The following SLMAP variants were observed in gnomAD, a reference collection of about 807,000 sequenced individuals.
SLMAP encodes sarcolemmal membrane-associated protein.
A neutral mutation model predicts 128.8 loss-of-function variants in SLMAP; 44 were observed. That is an observed-to-expected ratio of 0.34 (90% CI 0.27 to 0.44). The LOEUF (loss-of-function observed/expected upper bound fraction) is 0.44. Among genes scored for constraint, SLMAP ranks in the 20% least tolerant of loss-of-function variants. The pLI is 1.00. For missense variants in SLMAP, 787 were observed against 985.3 expected (o/e 0.80, Z 2.69); for synonymous variants, 327 against 348.8 (o/e 0.94, Z 0.70).
At chr3:57,914,213 G>A (rs889801735) in intron 21 of SLMAP, among the ~76,000 whole-genome samples, 5 of 152,054 alleles carry the variant, frequency 3.3e-5, no homozygotes, top group African/African-American at 7.2e-5. Context: ...TATTCCGGCC[G>A]GGTGTGGACA....
At chr3:57,829,255 T>C in intron 2 of SLMAP, among the ~76,000 whole-genome samples, 1 of 152,180 alleles carries the variant, frequency 6.6e-6, no homozygotes, top group East Asian at 1.9e-4. Context: ...TTTTCATGTA[T>C]TCTTTATTTT....
chr3:57,869,630 T>TTATTTA (rs1553900189), intron 13 of SLMAP, among the ~76,000 whole-genome samples: 1 of 75,474 alleles, frequency 1.3e-5, no homozygotes, highest in Non-Finnish European at 2.5e-5. Flanking sequence ...CCCATCTCTA[T>TTATTTA]TATATATATA....
chr3:57,813,342 C>T (rs184104484), intron 2 of SLMAP, among the ~76,000 whole-genome samples: 9 of 152,262 alleles, frequency 5.9e-5, no homozygotes, highest in African/African-American at 1.2e-4. Context: ...GAGATCCTCC[C>T]GCCTTGGCTT....
chr3:57,897,068 C>G (rs1305022835), intron 17 of SLMAP, 136 bp downstream of exon 17: 2 of 1,417,222 alleles, frequency 1.4e-6, no homozygotes, highest in Non-Finnish European at 1.8e-6. Flanking sequence ...GTAGCAGGGA[C>G]TAAAAATTTA....
intron 12 of SLMAP, 93 bp downstream of exon 12, chr3:57,864,950 G>A (rs372761377): frequency 2.0e-6 from 2 of 990,484 alleles, no homozygotes; most frequent in Non-Finnish European, 3.0e-6. Flanking sequence ...TTTAAGGGAT[G>A]TTTTATGTAT....
At chr3:57,830,069 C>T (rs758327668) in intron 2 of SLMAP, among the ~76,000 whole-genome samples, 1 of 152,202 alleles carries the variant, frequency 6.6e-6, no homozygotes, top group Non-Finnish European at 1.5e-5. Flanking sequence ...GAGTCTCGCT[C>T]TGTTGTCCAG....
chr3:57,926,155 A>G (rs1184325153), intron 24 of SLMAP: 1 of 534,524 alleles, frequency 1.9e-6, no homozygotes, highest in African/African-American at 1.9e-5. Flanking sequence ...ACCATGAGTT[A>G]ATTCCAACCT....
intron 2 of SLMAP, among the ~76,000 whole-genome samples, chr3:57,765,982 T>G (rs1041209950): frequency 1.3e-5 from 2 of 151,624 alleles, no homozygotes; most frequent in East Asian, 1.9e-4. Flanking sequence ...CCTTTTAGGC[T>G]TCTGTCTGAT....
intron 2 of SLMAP, among the ~76,000 whole-genome samples, chr3:57,766,669 CTCTTT>C (rs1426202912): frequency 6.6e-6 from 1 of 151,936 alleles, no homozygotes; most frequent in African/African-American, 2.4e-5. Context: ...TTCTAGCTCT[CTCTTT>C]TATTACTGTT....
intron 4 of SLMAP, among the ~76,000 whole-genome samples, chr3:57,844,146 A>G (rs1380988055): frequency 4.6e-5 from 7 of 151,732 alleles, no homozygotes; most frequent in African/African-American, 1.7e-4. Context: ...TAATCCCAGC[A>G]CTTTGGCACT....
chr3:57,846,486 A>G (rs2094255923), intron 4 of SLMAP, among the ~76,000 whole-genome samples: 3 of 151,942 alleles, frequency 2.0e-5, no homozygotes, highest in Non-Finnish European at 4.4e-5. Flanking sequence ...GCTTTTTAAG[A>G]CTTTCTGTAT....
chr3:57,915,579 G>A (rs976480192), intron 21 of SLMAP, among the ~76,000 whole-genome samples: 13 of 152,162 alleles, frequency 8.5e-5, no homozygotes, highest in African/African-American at 2.9e-4. Context: ...TCTGTGAAGT[G>A]TACAATCAAA....
intron 2 of SLMAP, among the ~76,000 whole-genome samples, chr3:57,776,522 C>CTCTCTTTT (rs571722815): frequency 2.4e-4 from 22 of 92,598 alleles, no homozygotes; most frequent in African/African-American, 1.0e-3. Flanking sequence ...CTCTCTCTCT[C>CTCTCTTTT]TTTTTTTTTT....
At chr3:57,802,981 G>A (rs192049174) in intron 2 of SLMAP, among the ~76,000 whole-genome samples, 1 of 152,072 alleles carries the variant, frequency 6.6e-6, no homozygotes, top group Non-Finnish European at 1.5e-5. Context: ...TAATTAAATG[G>A]TGTAAGAGAG....
rs2077860725 is a variant in SLMAP, at chr3:57,757,857, C to A, written c.198+8C>A. 8 of 1,613,372 alleles carry A rather than the reference C, an allele frequency of 5.0e-6. No individual in the cohort carries two copies. The East Asian group carries it at 1.3e-4, about 27-fold the overall frequency. On this transcript the variant is annotated splice_region_variant and intron_variant, in intron 2 of 24. Transcript: ENST00000671191. Reference sequence around the variant, plus strand: ...GATCACAAGACGGGCAAGGTAATGTCACCACATTGTCCAGCGGCATTGTTT... The same window carrying A: ...GATCACAAGACGGGCAAGGTAATGTAACCACATTGTCCAGCGGCATTGTTT...
At chr3:57,780,562 T>TGTTCATCTGGTGAACACTAC (rs2082831352) in intron 2 of SLMAP, among the ~76,000 whole-genome samples, 1 of 152,190 alleles carries the variant, frequency 6.6e-6, no homozygotes, top group Admixed American at 6.5e-5. Flanking sequence ...TGGGTGGTAG[T>TGTTCATCTGGTGAACACTAC]TACAAGGGTG....
At chr3:57,912,307 G>T in intron 19 of SLMAP, 74 bp from the exon 20 acceptor site, 1 of 1,265,136 alleles carries the variant, frequency 7.9e-7, no homozygotes, top group Non-Finnish European at 1.1e-6. Flanking sequence ...CCCAGGTTAT[G>T]CATTAGCTAC....
chr3:57,814,297 C>A (rs1010310299), intron 2 of SLMAP, among the ~76,000 whole-genome samples: 1 of 151,926 alleles, frequency 6.6e-6, no homozygotes, highest in African/African-American at 2.4e-5. Flanking sequence ...TCAAGCGGTC[C>A]TCATGCCTCA....
In SLMAP at chr3:57,757,554, T is replaced by G; in HGVS notation, c.-98T>G. On this transcript the variant is annotated 5_prime_UTR_variant, in exon 2 of 25. It adds an upstream start codon to the 5' untranslated region. Transcript: ENST00000671191. ...TGTGCAGTTTGTGTTAATTTAAAAT[T>G]TTGGGTGGGATAGGGGCATAGGCTT... The G allele has an allele frequency of 9.3e-7, 1 of 1,078,840 alleles. No individual in the cohort carries two copies. Among genetic ancestry groups the G allele is most frequent in the South Asian group, 1.4e-5 (1 of 73,682 alleles). 66.8% of individuals were successfully genotyped at this position (1,078,840 alleles called of 1,614,324 possible). A position where few individuals can be genotyped will look rare whatever the true frequency, so the allele number is the denominator to read the frequency against.
Sources: gnomAD v4.1 joint callset for allele counts (sites outside exome capture counted in the v4.1 genomes callset) on GRCh38, gnomAD v4.1.1 for gene constraint, MANE v1.5 for transcripts, NCBI Gene and HGNC (gene_info 2026-07-23, HGNC 2026-07-21) for gene names.